CCDC160: variants seen among roughly 807,000 people sequenced by gnomAD.
CCDC160 encodes the protein coiled-coil domain containing 160, also known as coiled-coil domain-containing protein 160.
For synonymous variants in CCDC160, 94 were observed against 79.4 expected (o/e 1.18, Z -0.98); for missense variants, 227 against 215.6 (o/e 1.05, Z -0.33).
At chrX:134,245,640 C>T (rs769143596) in exon 2 of CCDC160, 1 of 1,209,332 alleles carries the variant, frequency 8.3e-7, no homozygotes, top group Admixed American at 2.2e-5. Context: ...AGCTCAGTGT[C>T]ATCAAGAATG....
chrX:134,240,616 G>A (rs1273692957), intron 1 of CCDC160, among the ~76,000 whole-genome samples: 3 of 98,239 alleles, frequency 3.1e-5, no homozygotes, highest in Non-Finnish European at 6.0e-5. Context: ...TTTGCAGGCA[G>A]ATCTAAATTT....
intron 1 of CCDC160, among the ~76,000 whole-genome samples, chrX:134,241,882 C>A (rs1308821355): frequency 8.9e-6 from 1 of 112,081 alleles, no homozygotes; most frequent in African/African-American, 3.2e-5. Flanking sequence ...AAAATGGCTA[C>A]CAGGCCAGGG....
exon 2 of CCDC160, chrX:134,244,895 C>T: frequency 8.3e-7 from 1 of 1,203,585 alleles, no homozygotes; most frequent in Non-Finnish European, 1.1e-6. Context: ...CCTGAATCTT[C>T]TTCTGAACAA....
chrX:134,238,599 C>T (rs1328234894), intron 1 of CCDC160, among the ~76,000 whole-genome samples, 151 bp from the exon 2 acceptor site: 1 of 110,080 alleles, frequency 9.1e-6, no homozygotes, highest in Non-Finnish European at 1.9e-5. Context: ...TCTCAAACTC[C>T]TGACCTTGTG....
At chrX:134,243,677 T>G (rs886434870) in intron 1 of CCDC160, among the ~76,000 whole-genome samples, 2 of 112,354 alleles carry the variant, frequency 1.8e-5, no homozygotes. Flanking sequence ...AAAATTACAT[T>G]TGAGTGCATA....
intron 1 of CCDC160, among the ~76,000 whole-genome samples, chrX:134,244,281 C>T (rs765288509): frequency 9.0e-5 from 10 of 111,680 alleles, no homozygotes; most frequent in African/African-American, 3.2e-4. Context: ...GCATGGTATA[C>T]TTTACCAAAA....
At chrX:134,244,608 A>G (rs1373620292) in intron 1 of CCDC160, among the ~76,000 whole-genome samples, 169 bp from the exon 3 acceptor site, 9 of 111,886 alleles carry the variant, frequency 8.0e-5, no homozygotes, top group South Asian at 7.5e-4. Context: ...AGCCCTTTCC[A>G]TTTATAAATG....
exon 2 of CCDC160, chrX:134,244,933 G>A: frequency 8.3e-7 from 1 of 1,203,907 alleles, no homozygotes; most frequent in Non-Finnish European, 1.1e-6. Context: ...CAAGGGAATG[G>A]AAGAAATTTA....
chrX:134,246,634 A>G (rs184937883), downstream of CCDC160, among the ~76,000 whole-genome samples: 39 of 112,093 alleles, frequency 3.5e-4, 1 homozygote, highest in Admixed American at 9.4e-4. Context: ...TGATTTTTAC[A>G]GTAATCCAGC....
At chrX:134,245,764 G>T in exon 2 of CCDC160, 1 of 1,117,156 alleles carries the variant, frequency 9.0e-7, no homozygotes, top group Non-Finnish European at 1.2e-6. Flanking sequence ...CCACTTTACT[G>T]GGGATTTTTT....
intron 1 of CCDC160, among the ~76,000 whole-genome samples, chrX:134,240,533 G>A (rs1279000227): frequency 1.8e-5 from 2 of 110,263 alleles, no homozygotes; most frequent in African/African-American, 6.6e-5. Flanking sequence ...TTGTGAGATG[G>A]GAAAGAGCCT....
exon 2 of CCDC160, chrX:134,245,569 G>A (rs763144012): frequency 1.7e-5 from 20 of 1,203,783 alleles, no homozygotes; most frequent in Non-Finnish European, 2.2e-5. Flanking sequence ...GGTTGGAAAT[G>A]TGCTCCTAAA....
chrX:134,237,495 C>T (rs1042425034), intron 1 of CCDC160, among the ~76,000 whole-genome samples, 152 bp downstream of exon 1: 2 of 112,294 alleles, frequency 1.8e-5, no homozygotes. Flanking sequence ...GAGCCCCAGG[C>T]CGGGGCTGGA....
downstream of CCDC160, chrX:134,245,833 G>A (rs1233382844): frequency 3.4e-6 from 3 of 884,410 alleles, no homozygotes; most frequent in African/African-American, 4.2e-5. Context: ...AGTGTTTATT[G>A]TATTTTCTTT....
At chrX:134,245,535 T>C in exon 2 of CCDC160, 1 of 1,198,052 alleles carries the variant, frequency 8.3e-7, no homozygotes, top group South Asian at 1.8e-5. Context: ...AAGAAGCTGT[T>C]AGGAAGTTAA....
chrX:134,239,422 G>C (rs1222635792), intron 1 of CCDC160, among the ~76,000 whole-genome samples: 1 of 111,679 alleles, frequency 9.0e-6, no homozygotes, highest in Non-Finnish European at 1.9e-5. Flanking sequence ...AATATATTAG[G>C]GTGTAGAAAA....
At chrX:134,243,808 G>A (rs1279960058) in intron 1 of CCDC160, among the ~76,000 whole-genome samples, 1 of 111,202 alleles carries the variant, frequency 9.0e-6, no homozygotes, top group Non-Finnish European at 1.9e-5. Flanking sequence ...ACCCTTTAGG[G>A]CTAACTTCAG....
intron 1 of CCDC160, among the ~76,000 whole-genome samples, chrX:134,241,118 C>G (rs987343417): frequency 6.3e-5 from 7 of 111,084 alleles, no homozygotes; most frequent in Non-Finnish European, 1.1e-4. Flanking sequence ...CTCTGGGGCC[C>G]CAGCTGAAAA....
At chrX:134,242,846 G>A (rs2077031660) in intron 1 of CCDC160, among the ~76,000 whole-genome samples, 1 of 110,857 alleles carries the variant, frequency 9.0e-6, no homozygotes, top group Admixed American at 9.7e-5. Context: ...AAGAGGAATA[G>A]TAATCTCTCT....
Sources: allele counts gnomAD v4.1 joint callset (sites outside exome capture counted in the v4.1 genomes callset), GRCh38; gene constraint gnomAD v4.1.1; transcripts MANE v1.5; gene names NCBI Gene and HGNC (gene_info 2026-07-23, HGNC 2026-07-21).